Variants in ADK observed in about 807,000 individuals in gnomAD.
ADK encodes adenosine kinase, also known as N6,N6-dimethyladenosine kinase.
In ADK, 24 loss-of-function variants were observed where a neutral mutation model predicts 44.7. The observed-to-expected ratio is 0.54, with a 90% CI of 0.39 to 0.76. ADK has a LOEUF of 0.76. ADK is among the 30% of genes least tolerant of loss of function. The pLI is 0.00. For synonymous variants in ADK, 128 were observed against 142.6 expected (o/e 0.90, Z 0.73); for missense variants, 321 against 425.1 (o/e 0.76, Z 2.15).
chr10:74,644,274 G>A (rs1589327430), intron 9 of ADK, among the ~76,000 whole-genome samples: 1 of 152,274 alleles, frequency 6.6e-6, no homozygotes, highest in African/African-American at 2.4e-5. Context: ...CCTCTTGAAG[G>A]TTTAATCTGA....
intron 3 of ADK, among the ~76,000 whole-genome samples, chr10:74,305,257 C>T (rs191510044): frequency 6.6e-6 from 1 of 152,308 alleles, no homozygotes; most frequent in African/African-American, 2.4e-5. Flanking sequence ...GCCAGCCGTA[C>T]TTGCCCCATG....
intron 3 of ADK, among the ~76,000 whole-genome samples, chr10:74,305,926 T>C (rs1840232453): frequency 1.3e-5 from 2 of 152,146 alleles, no homozygotes; most frequent in South Asian, 2.1e-4. Flanking sequence ...GGTCTCACTA[T>C]GTTGCCCAGG....
chr10:74,598,441 CTTTTTTTT>C (rs915433699), intron 8 of ADK, among the ~76,000 whole-genome samples: 36 of 111,786 alleles, frequency 3.2e-4, no homozygotes, highest in African/African-American at 8.1e-4. Flanking sequence ...AATCTTATTC[CTTTTTTTT>C]TTTTTTTTTT....
At chr10:74,708,252 T>C in intron 10 of ADK, 69 bp from the exon 11 acceptor site, 2 of 1,528,896 alleles carry the variant, frequency 1.3e-6, no homozygotes, top group Non-Finnish European at 1.8e-6. Flanking sequence ...CATATATTGG[T>C]CTGACCCAAT....
At chr10:74,332,254 G>A (rs1841243588) in intron 4 of ADK, among the ~76,000 whole-genome samples, 1 of 152,168 alleles carries the variant, frequency 6.6e-6, no homozygotes, top group Admixed American at 6.5e-5. Flanking sequence ...CTTAAAAGTT[G>A]TTGATGATAA....
intron 2 of ADK, among the ~76,000 whole-genome samples, chr10:74,215,653 T>C (rs111567332): frequency 0.031 from 4,620 of 146,970 alleles, 256 homozygotes; most frequent in African/African-American, 0.11. Context: ...TATATAATAC[T>C]GATAAATCAC....
At chr10:74,640,065 C>T (rs1236795528) in intron 9 of ADK, among the ~76,000 whole-genome samples, 1 of 152,202 alleles carries the variant, frequency 6.6e-6, no homozygotes, top group Non-Finnish European at 1.5e-5. Flanking sequence ...CTGGCTGAAG[C>T]TCTGGGGTTT....
chr10:74,352,399 C>T (rs758834814), intron 4 of ADK, among the ~76,000 whole-genome samples: 20 of 152,108 alleles, frequency 1.3e-4, no homozygotes, highest in Non-Finnish European at 2.8e-4. Context: ...TGGATCACTG[C>T]CTTACACATT....
intron 7 of ADK, among the ~76,000 whole-genome samples, chr10:74,570,628 A>G (rs1344661637): frequency 6.6e-5 from 10 of 152,180 alleles, no homozygotes; most frequent in Non-Finnish European, 1.0e-4. Context: ...TGATTTTTGC[A>G]TATTGATTTT....
chr10:74,685,998 G>C (rs1400999101), intron 10 of ADK, among the ~76,000 whole-genome samples: 1 of 152,016 alleles, frequency 6.6e-6, no homozygotes, highest in Non-Finnish European at 1.5e-5. Flanking sequence ...GTCTCGCTCT[G>C]TTGCTTAGGC....
chr10:74,371,408 CAAAA>C, intron 4 of ADK: 1 of 594,132 alleles, frequency 1.7e-6, no homozygotes. Context: ...ATATACCAAA[CAAAA>C]ATCTTAAGCA....
intron 6 of ADK, among the ~76,000 whole-genome samples, chr10:74,481,695 CT>C (rs1318534257): frequency 6.6e-6 from 1 of 151,650 alleles, no homozygotes; most frequent in African/African-American, 2.4e-5. Flanking sequence ...TACTTTGCTA[CT>C]TTTTTTTTCT....
chr10:74,336,996 C>G (rs569640430), intron 4 of ADK, among the ~76,000 whole-genome samples: 1 of 152,180 alleles, frequency 6.6e-6, no homozygotes, highest in African/African-American at 2.4e-5. Context: ...ATATGGTGGG[C>G]CTATATATAT....
chr10:74,317,835 G>A (rs1840677275), intron 4 of ADK, among the ~76,000 whole-genome samples: 1 of 152,122 alleles, frequency 6.6e-6, no homozygotes, highest in South Asian at 2.1e-4. Flanking sequence ...AGGCTGGAGT[G>A]CAGTGGCGCG....
At chr10:74,378,065 T>A (rs11001019) in intron 4 of ADK, among the ~76,000 whole-genome samples, 68,927 of 150,768 alleles carry the variant, frequency 0.46, 18,252 homozygotes, top group Non-Finnish European at 0.61. Flanking sequence ...TTTTTTTTTT[T>A]AATCTATGAA....
intron 5 of ADK, 121 bp downstream of exon 5, chr10:74,394,434 T>C: frequency 1.1e-6 from 1 of 935,978 alleles, no homozygotes; most frequent in South Asian, 1.4e-5. Flanking sequence ...TGATAAATGC[T>C]TATTCCTTAT....
intron 3 of ADK, among the ~76,000 whole-genome samples, chr10:74,271,969 A>G (rs939867049): frequency 1.3e-5 from 2 of 152,224 alleles, no homozygotes; most frequent in Middle Eastern, 6.8e-3. Context: ...TTGATAGTAA[A>G]TTAATTGCAG....
rs571477625 is a variant in ADK, at chr10:74,707,316, A to G, written c.965-1005A>G. 4.6e-5 allele frequency among the ~76,000 whole-genome samples: 7 copies of G among 152,306 alleles called. No individual in the cohort carries two copies. The South Asian group carries it at 8.3e-4, about 18-fold the overall frequency. On this transcript the variant is annotated intron_variant, in intron 10 of 10. Transcript: ENST00000539909. ...CTCTCAGAGTGCTGGGATTATAGGC[A>G]TGAGCCACGATGCCTGGCTTATTCT...
chr10:74,504,857 C>A (rs1429244128), intron 6 of ADK, among the ~76,000 whole-genome samples: 1 of 152,178 alleles, frequency 6.6e-6, no homozygotes, highest in East Asian at 1.9e-4. Flanking sequence ...GATTGTGTTT[C>A]CTGAGGCCTC....
Sources: allele counts gnomAD v4.1 joint callset (sites outside exome capture counted in the v4.1 genomes callset), GRCh38; gene constraint gnomAD v4.1.1; transcripts MANE v1.5; gene names NCBI Gene and HGNC (gene_info 2026-07-23, HGNC 2026-07-21).